The following DGKB variants were observed in gnomAD, a reference collection of about 807,000 sequenced individuals.
DGKB encodes the protein diacylglycerol kinase beta.
In DGKB, 67 loss-of-function variants were observed where a neutral mutation model predicts 114.3. The observed-to-expected ratio is 0.59, with a 90% CI of 0.48 to 0.72. DGKB has a LOEUF of 0.72. Ranked by LOEUF, DGKB falls within the 30% of genes least tolerant of loss-of-function variation. DGKB has a pLI of 0.00. For missense variants in DGKB, 907 were observed against 975.2 expected (o/e 0.93, Z 0.93); for synonymous variants, 398 against 323.1 (o/e 1.23, Z -2.49).
chr7:14,591,988 T>C (rs1801778657), intron 17 of DGKB, among the ~76,000 whole-genome samples: 1 of 151,962 alleles, frequency 6.6e-6, no homozygotes, highest in South Asian at 2.1e-4. Context: ...TACGTAAATA[T>C]TACTTTTTAT....
intron 21 of DGKB, among the ~76,000 whole-genome samples, chr7:14,431,558 A>C (rs1161001513): frequency 6.6e-6 from 1 of 152,186 alleles, no homozygotes; most frequent in Non-Finnish European, 1.5e-5. Context: ...TAATAGACTA[A>C]GTATCATCAA....
At chr7:14,286,408 A>G (rs1800881401) in intron 23 of DGKB, among the ~76,000 whole-genome samples, 1 of 152,200 alleles carries the variant, frequency 6.6e-6, no homozygotes, top group Non-Finnish European at 1.5e-5. Context: ...AATACAGAGA[A>G]TGTATTACTT....
At chr7:14,852,487 C>CAAAAAAAAAAAAAAAAAACA in intron 1 of DGKB, among the ~76,000 whole-genome samples, 5 of 63,616 alleles carry the variant, frequency 7.9e-5, no homozygotes, top group Non-Finnish European at 8.9e-5. Context: ...TAGTGAAAGT[C>CAAAAAAAAAAAAAAAAAACA]AAAAAAAAAA....
At chr7:14,904,202 GAAC>G (rs1783530583), upstream of DGKB, among the ~76,000 whole-genome samples, 1 of 145,276 alleles carries the variant, frequency 6.9e-6, no homozygotes, top group South Asian at 2.4e-4. Context: ...GAGTAATCAT[GAAC>G]AACCCCTCCT....
At chr7:14,821,642 A>G (rs1057264763) in intron 2 of DGKB, among the ~76,000 whole-genome samples, 12 of 152,232 alleles carry the variant, frequency 7.9e-5, no homozygotes, top group Admixed American at 3.3e-4. Context: ...AAGGTGGGCC[A>G]GAGAACATCC....
chr7:14,551,701 A>T (rs1004045606), intron 20 of DGKB, among the ~76,000 whole-genome samples: 2 of 152,136 alleles, frequency 1.3e-5, no homozygotes, highest in Non-Finnish European at 2.9e-5. Flanking sequence ...GGCCTCAGAG[A>T]CATAAGAGGT....
chr7:14,611,850 T>G (rs1184178592), intron 16 of DGKB, among the ~76,000 whole-genome samples: 1 of 151,850 alleles, frequency 6.6e-6, no homozygotes, highest in Non-Finnish European at 1.5e-5. Context: ...TACTATTTTT[T>G]TTCTCTTCAA....
intron 20 of DGKB, among the ~76,000 whole-genome samples, chr7:14,537,793 G>A (rs915892835): frequency 6.6e-5 from 10 of 152,106 alleles, no homozygotes; most frequent in South Asian, 2.1e-4. Flanking sequence ...TAAATACGTG[G>A]GACTGGGCTG....
At chr7:14,626,060 T>C (rs79114031) in intron 14 of DGKB, among the ~76,000 whole-genome samples, 2,330 of 151,976 alleles carry the variant, frequency 0.015, 28 homozygotes, top group Non-Finnish European at 0.027. Context: ...GTGAAATGAA[T>C]AAAATAAAAA....
At chr7:14,593,066 T>G (rs1801966364) in intron 17 of DGKB, among the ~76,000 whole-genome samples, 1 of 152,068 alleles carries the variant, frequency 6.6e-6, no homozygotes, top group Admixed American at 6.6e-5. Context: ...TAAATAATTA[T>G]GTTACCATAA....
chr7:14,177,932 C>G, intron 24 of DGKB, 99 bp downstream of exon 24: 7 of 1,263,464 alleles, frequency 5.5e-6, no homozygotes, highest in Non-Finnish European at 7.4e-6. Context: ...TATTTGGAGC[C>G]CAAAGAAGAC....
chr7:14,839,684 A>C (rs1209315493), intron 2 of DGKB, among the ~76,000 whole-genome samples: 1 of 152,082 alleles, frequency 6.6e-6, no homozygotes, highest in Non-Finnish European at 1.5e-5. Context: ...AAATATTCGT[A>C]ATATGATAAA....
At chr7:14,407,279 A>C (rs1351241451) in intron 21 of DGKB, among the ~76,000 whole-genome samples, 1 of 152,130 alleles carries the variant, frequency 6.6e-6, no homozygotes, top group Non-Finnish European at 1.5e-5. Flanking sequence ...AAATGTAGTT[A>C]GTGCTATTAT....
At chr7:14,868,992 T>C (rs1852083404) in intron 1 of DGKB, among the ~76,000 whole-genome samples, 1 of 152,180 alleles carries the variant, frequency 6.6e-6, no homozygotes, top group African/African-American at 2.4e-5. Flanking sequence ...CCACTGTTTG[T>C]CTTAGAGGTA....
chr7:14,540,651 A>G (rs1793273771), intron 20 of DGKB, among the ~76,000 whole-genome samples: 1 of 152,178 alleles, frequency 6.6e-6, no homozygotes, highest in Admixed American at 6.5e-5. Flanking sequence ...TGAGTTACAA[A>G]TTTATGAGTG....
At chr7:14,575,626 TA>T (rs2128713059) in intron 19 of DGKB, among the ~76,000 whole-genome samples, 1 of 152,334 alleles carries the variant, frequency 6.6e-6, no homozygotes, top group East Asian at 1.9e-4. Context: ...AAGTTCTCAG[TA>T]ATATTTTACT....
At chr7:14,844,190 T>C (rs1454885129) in intron 1 of DGKB, among the ~76,000 whole-genome samples, 2 of 152,210 alleles carry the variant, frequency 1.3e-5, no homozygotes, top group Non-Finnish European at 2.9e-5. Flanking sequence ...TTAGAGGAAA[T>C]AGTTGCTGGC....
At chr7:14,794,395 T>A (rs1365520304) in intron 2 of DGKB, among the ~76,000 whole-genome samples, 2 of 152,148 alleles carry the variant, frequency 1.3e-5, no homozygotes, top group African/African-American at 4.8e-5. Context: ...ATCAACTACT[T>A]ACAAGAAGTA....
chr7:14,317,321 A>T (rs1424250830), intron 23 of DGKB, among the ~76,000 whole-genome samples: 1 of 105,244 alleles, frequency 9.5e-6, no homozygotes, highest in South Asian at 4.1e-4. Flanking sequence ...GGGGTATTCA[A>T]TTAGGAAAAG....
Sources: gnomAD v4.1 joint callset for allele counts (sites outside exome capture counted in the v4.1 genomes callset) on GRCh38, gnomAD v4.1.1 for gene constraint, MANE v1.5 for transcripts, NCBI Gene and HGNC (gene_info 2026-07-23, HGNC 2026-07-21) for gene names.